NMU: variants seen among roughly 807,000 people sequenced by gnomAD.
NMU encodes neuromedin U, also known as neuromedin-U.
NMU carries 29 observed loss-of-function variants against 35.4 expected under a neutral mutation model. The ratio of observed to expected loss-of-function variants is 0.82; its 90% CI spans 0.61 to 1.12. NMU has a LOEUF of 1.12. NMU is among the 50% of genes most tolerant of loss of function. The pLI is 0.00. For missense variants in NMU, 199 were observed against 206.2 expected (o/e 0.97, Z 0.21); for synonymous variants, 78 against 81.3 (o/e 0.96, Z 0.22).
chr4:55,615,757 A>G (rs991464367), intron 3 of NMU, among the ~76,000 whole-genome samples: 2 of 152,150 alleles, frequency 1.3e-5, no homozygotes, highest in South Asian at 2.1e-4. Flanking sequence ...TCTAGTACCC[A>G]ATAGTTACTG....
chr4:55,633,249 C>T (rs1022124376), intron 1 of NMU, among the ~76,000 whole-genome samples: 3 of 150,094 alleles, frequency 2.0e-5, no homozygotes, highest in East Asian at 2.0e-4. Flanking sequence ...GGCATGAACC[C>T]GGGAGGCGGA....
At chr4:55,635,806 T>G (rs34661343) in intron 1 of NMU, among the ~76,000 whole-genome samples, 20,021 of 152,274 alleles carry the variant, frequency 0.13, 1,594 homozygotes, top group African/African-American at 0.21. Context: ...CCAGTCTCCA[T>G]CTATCGCAGC....
At chr4:55,609,262 G>T in intron 3 of NMU, 83 bp from the exon 4 acceptor site, 1 of 1,050,312 alleles carries the variant, frequency 9.5e-7, no homozygotes, top group Non-Finnish European at 1.5e-6. Flanking sequence ...AATGTTAGGG[G>T]CATGAGGAAA....
chr4:55,611,559 A>G (rs771749721), intron 3 of NMU, among the ~76,000 whole-genome samples: 1 of 152,168 alleles, frequency 6.6e-6, no homozygotes, highest in Non-Finnish European at 1.5e-5. Flanking sequence ...ACTCACCCAA[A>G]GCAACTTCCA....
rs1363317670 is a variant in NMU at position 55,598,284 on chromosome 4, T to TG, written c.*4+857dup. ...TTTTTTTCTTAAGTATTTGTAGAGA[T>TG]GGGGTATCAAAATCCTGTGCTCAGG... On this transcript the variant is annotated intron_variant, in intron 9 of 9. Transcript: ENST00000264218. Among the ~76,000 whole-genome samples, 4 of 151,886 alleles carry TG rather than the reference T, an allele frequency of 2.6e-5. No homozygotes were observed. In the East Asian group the frequency reaches 7.7e-4, roughly 29 times the overall value.
intron 2 of NMU, among the ~76,000 whole-genome samples, chr4:55,629,660 C>T (rs1734680762): frequency 6.6e-6 from 1 of 151,448 alleles, no homozygotes. Flanking sequence ...GGAAGTAATC[C>T]TCCCATTTCA....
chr4:55,602,341 C>T (rs1045779079), intron 7 of NMU, among the ~76,000 whole-genome samples: 8 of 152,206 alleles, frequency 5.3e-5, no homozygotes, highest in African/African-American at 1.4e-4. Context: ...CCCAGCAAAG[C>T]GAACACTCTC....
At chr4:55,610,665 A>G (rs1311544910) in intron 3 of NMU, among the ~76,000 whole-genome samples, 1 of 152,168 alleles carries the variant, frequency 6.6e-6, no homozygotes, top group Non-Finnish European at 1.5e-5. Flanking sequence ...TTTGCTTGTC[A>G]TGCAAATTCT....
intron 2 of NMU, among the ~76,000 whole-genome samples, chr4:55,618,381 C>T (rs976021305): frequency 5.3e-5 from 8 of 152,028 alleles, no homozygotes; most frequent in African/African-American, 1.9e-4. Context: ...CCCCCCAACA[C>T]CCCCGACAGG....
chr4:55,633,012 T>A (rs1480756287), intron 1 of NMU, among the ~76,000 whole-genome samples: 1 of 144,624 alleles, frequency 6.9e-6, no homozygotes, highest in African/African-American at 2.6e-5. Context: ...AAAAAAAAAT[T>A]CTATAATTTA....
chr4:55,636,403 C>T (rs1715936590), upstream of NMU: 1 of 646,394 alleles, frequency 1.5e-6, no homozygotes, highest in Non-Finnish European at 2.3e-6. The surrounding 1 kb of genome is among the most constrained non-coding windows in gnomAD (Gnocchi z 4.0). Flanking sequence ...CGGCCTACCT[C>T]GCCTCACCCC....
intron 4 of NMU, 111 bp downstream of exon 4, chr4:55,609,009 T>C: frequency 3.4e-6 from 3 of 883,110 alleles, no homozygotes; most frequent in Non-Finnish European, 5.8e-6. Context: ...TTTTTCCTCT[T>C]CTAACCTGTC....
At chr4:55,600,706 G>GA in intron 7 of NMU, 131 bp from the exon 8 acceptor site, 1 of 667,184 alleles carries the variant, frequency 1.5e-6, no homozygotes, top group Non-Finnish European at 2.7e-6. Flanking sequence ...TCAGGGACTT[G>GA]AATAGAGAAT....
intron 8 of NMU, among the ~76,000 whole-genome samples, chr4:55,599,961 T>C (rs1042886269): frequency 6.6e-6 from 1 of 152,142 alleles, no homozygotes; most frequent in African/African-American, 2.4e-5. Context: ...TAAATAGTTG[T>C]TGAATGAATT....
At chr4:55,608,124 G>A (rs1733774284) in intron 4 of NMU, among the ~76,000 whole-genome samples, 1 of 146,000 alleles carries the variant, frequency 6.8e-6, no homozygotes, top group South Asian at 2.1e-4. Context: ...GCAGTGAGCC[G>A]AGATGGCGCC....
At chr4:55,613,842 G>A (rs981734733) in intron 3 of NMU, among the ~76,000 whole-genome samples, 1 of 152,076 alleles carries the variant, frequency 6.6e-6, no homozygotes, top group South Asian at 2.1e-4. Context: ...CACTTCACCC[G>A]GTTGCCTCCA....
chr4:55,617,440 G>A (rs1420938639), intron 2 of NMU, among the ~76,000 whole-genome samples: 3 of 151,752 alleles, frequency 2.0e-5, no homozygotes, highest in Non-Finnish European at 2.9e-5. Flanking sequence ...GGAATTGTTT[G>A]TTCCACTCAT....
At position 55,607,354 on chromosome 4, in the gene NMU, TA is replaced by T. The variant is rs755920859; in HGVS notation, c.310-7del. ...TTCGAATAATGAAATAAGAACTGTTTAAAAAAAGCAGTAAGTTTTACTATAA... is the reference window on the plus strand; with the variant it reads ...TTCGAATAATGAAATAAGAACTGTTTAAAAAAGCAGTAAGTTTTACTATAA... On this transcript the variant is annotated splice_region_variant and splice_polypyrimidine_tract_variant and intron_variant, in intron 5 of 9. Coordinates refer to ENST00000264218, the MANE Select transcript of NMU (RefSeq NM_006681.4). The T allele has an allele frequency of 6.3e-6, 10 of 1,596,664 alleles. No homozygotes were observed. The highest frequency in any genetic ancestry group is 1.7e-4 in the Middle Eastern group (1 of 6,010).
chr4:55,607,273 A>T, intron 6 of NMU, 25 bp downstream of exon 6: 1 of 1,516,524 alleles, frequency 6.6e-7, no homozygotes, highest in Non-Finnish European at 9.2e-7. Flanking sequence ...ATTAGTGATT[A>T]CTAAGAAGTA....
Sources: gnomAD v4.1 joint callset for allele counts (sites outside exome capture counted in the v4.1 genomes callset) on GRCh38, gnomAD v4.1.1 for gene constraint, Gnocchi (gnomAD v3.1) non-coding constraint, MANE v1.5 for transcripts, NCBI Gene and HGNC (gene_info 2026-07-23, HGNC 2026-07-21) for gene names.